The following CST2 variants were observed in gnomAD, a reference collection of about 807,000 sequenced individuals.
The protein encoded by CST2 is cystatin-SA.
Under a neutral mutation model 13.4 loss-of-function variants are expected in CST2, and 26 were observed. The observed-to-expected ratio is 1.95, with a 90% CI of 1.43 to 2.70. CST2 has a LOEUF of 2.70. CST2 is among the 30% of genes most tolerant of loss of function. The probability of loss-of-function intolerance (pLI) is 0.00; values close to 1 mark genes in which losing one functional copy is unlikely to be tolerated. For missense variants in CST2, 243 were observed against 173.4 expected (o/e 1.40, Z -2.25); for synonymous variants, 105 against 71.1 (o/e 1.48, Z -2.40).
intron 2 of CST2, among the ~76,000 whole-genome samples, chr20:23,824,696 C>T (rs143370713): frequency 1.3e-5 from 2 of 152,020 alleles, no homozygotes; most frequent in African/African-American, 2.4e-5. Context: ...ATGCAGGTAC[C>T]TGAGGCTGGG....
At position 23,826,454 on chromosome 20, in the gene CST2, C is replaced by G. The variant is rs1458786561; in HGVS notation, c.207G>C (p.Arg69=). 1.2e-6 allele frequency: 2 copies of G among 1,614,036 alleles called. No individual in the cohort carries two copies. The highest frequency in any genetic ancestry group is 1.7e-6 in the Non-Finnish European group (2 of 1,179,994). The stretch of plus-strand genomic sequence containing the variant: ...CCACCTGCTCCCTGGCTCGTAGCAC[C>G]CGCAGCAGGCGTCTGTAGTACTCAT... ...TEDEYYRRLL[R]VLRAREQIVG... is the part of the protein sequence containing the mutation. Residue 69 remains arginine, a synonymous_variant, in exon 1 of 3, where the codon CGG becomes CGC. Coordinates refer to ENST00000304725, the MANE Select transcript of CST2 (RefSeq NM_001322.3).
chr20:23,824,741 A>G (rs550683778), intron 2 of CST2, among the ~76,000 whole-genome samples: 1 of 152,206 alleles, frequency 6.6e-6, no homozygotes, highest in African/African-American at 2.4e-5. Flanking sequence ...CCCAGCACAC[A>G]GCCCCACAGC....
chr20:23,824,233 G>A (rs1244770582), intron 2 of CST2, 130 bp from the exon 3 acceptor site: 89 of 853,358 alleles, frequency 1.0e-4, no homozygotes, highest in Non-Finnish European at 1.5e-4. Context: ...CACCCCTGCT[G>A]AGTCCCAGAG....
chr20:23,826,386 C>T, intron 1 of CST2, 47 bp downstream of exon 1: 1 of 1,534,770 alleles, frequency 6.5e-7, no homozygotes, highest in Non-Finnish European at 9.0e-7. Flanking sequence ...GATCGGGCAA[C>T]AAACAAGGCT....
In CST2 at chr20:23,826,479, T is replaced by C. The variant is rs574498026; in HGVS notation, c.182A>G (p.Asp61Gly). The change falls in exon 1 of 3, where the codon GAT (aspartate) becomes GGT (glycine). Residue 61 changes from aspartate (D) to glycine (G), a missense_variant. Asp to Gly is a moderately conservative substitution (Grantham distance 94). Transcript: ENST00000304725. ...CCGCAGCAGGCGTCTGTAGTACTCATCTTCAGTGGCCTTGTTATACTCGCT... is the reference window on the plus strand; with the variant it reads ...CCGCAGCAGGCGTCTGTAGTACTCACCTTCAGTGGCCTTGTTATACTCGCT... ...VISEYNKATE[D>G]EYYRRLLRVL... The C allele has an allele frequency of 3.7e-6, 6 of 1,614,050 alleles. No individual in the cohort carries two copies. The highest frequency in any genetic ancestry group is 5.1e-6 in the Non-Finnish European group (6 of 1,180,018).
intron 2 of CST2, 111 bp downstream of exon 2, chr20:23,825,099 C>G (rs1476598034): frequency 2.0e-6 from 3 of 1,463,572 alleles, no homozygotes; most frequent in Non-Finnish European, 2.9e-6. Flanking sequence ...CATGACTCCC[C>G]ACATACCCAC....
intron 1 of CST2, 32 bp from the exon 2 acceptor site, chr20:23,825,355 A>C: frequency 6.2e-7 from 1 of 1,610,122 alleles, no homozygotes; most frequent in Non-Finnish European, 8.5e-7. Context: ...ATGCACGGAC[A>C]GCGCCCCCAT....
chr20:23,825,279 T>G lies in CST2; in HGVS notation c.273A>C (p.Arg91=), dbSNP rs763839751. ...TGGGCTGGGACTTGGTACATATGGT[T>G]CGGCCCACCTCTATGTCGAAGAAGT... ...VNYFFDIEVG[R]TICTKSQPNL... Residue 91 remains arginine, a synonymous_variant, in exon 2 of 3, where the codon CGA becomes CGC. Transcript: ENST00000304725. 19 of 1,613,916 alleles carry G rather than the reference T, an allele frequency of 1.2e-5. No individual in the cohort carries two copies. The highest frequency in any genetic ancestry group is 8.9e-5 in the East Asian group (4 of 44,870).
At position 23,825,190 on chromosome 20, in the gene CST2, G is replaced by T; in HGVS notation, c.342+20C>A. On this transcript the variant is annotated intron_variant, in intron 2 of 2. Coordinates refer to ENST00000304725, the MANE Select transcript of CST2 (RefSeq NM_001322.3). Reference sequence around the variant, plus strand: ...CCTCTGCAGTGCATGACTGGCCTGGGACCCGCATCAGGAACGTACCTTCTG... The same window carrying T: ...CCTCTGCAGTGCATGACTGGCCTGGTACCCGCATCAGGAACGTACCTTCTG... 1 of 1,614,022 alleles carries T rather than the reference G, an allele frequency of 6.2e-7. No homozygotes were observed. The highest frequency in any genetic ancestry group is 8.5e-7 in the Non-Finnish European group (1 of 1,179,912).
At chr20:23,825,898 C>T (rs929424058) in intron 1 of CST2, among the ~76,000 whole-genome samples, 1 of 152,300 alleles carries the variant, frequency 6.6e-6, no homozygotes, top group East Asian at 1.9e-4. Flanking sequence ...CCCAATAGCC[C>T]TTCTGAAGCT....
At chr20:23,825,813 C>A (rs1030155862) in intron 1 of CST2, among the ~76,000 whole-genome samples, 6 of 152,182 alleles carry the variant, frequency 3.9e-5, no homozygotes, top group Non-Finnish European at 8.8e-5. Context: ...CTTTGAATTT[C>A]CAAGAGAAGG....
intron 2 of CST2, 32 bp from the exon 3 acceptor site, chr20:23,824,135 G>C (rs1463940613): frequency 6.2e-7 from 1 of 1,608,260 alleles, no homozygotes. Flanking sequence ...GCCAATCAGT[G>C]TGAGTTACAG....
rs112577068 is a variant in CST2 at position 23,826,319 on chromosome 20, A to T, written c.228+114T>A. 2.4e-3 allele frequency: 2,058 copies of T among 860,012 alleles called. 32 individuals carry two copies. In the African/African-American group the frequency reaches 0.031, roughly 13 times the overall value. 53.3% of individuals were successfully genotyped at this position (860,012 alleles called of 1,614,324 possible). A position where few individuals can be genotyped will look rare whatever the true frequency, so the allele number is the denominator to read the frequency against. On this transcript the variant is annotated intron_variant, in intron 1 of 2. Coordinates refer to ENST00000304725, the MANE Select transcript of CST2 (RefSeq NM_001322.3). ...GCAGAGAGTCAGGGAAAGCTGAATG[A>T]ATCTGAGCATTAGATCATGAATGTA...
intron 2 of CST2, among the ~76,000 whole-genome samples, chr20:23,824,823 G>A (rs994739248): frequency 3.9e-5 from 6 of 151,982 alleles, no homozygotes; most frequent in Admixed American, 3.3e-4. Flanking sequence ...TTCCCAAGCT[G>A]AAGGCTTCCT....
At position 23,825,358 on chromosome 20, in the gene CST2, G is replaced by GC. The variant is rs767271973; in HGVS notation, c.229-36dup. ...TGAGAAAACAGGATGCACGGACAGC[G>GC]CCCCCATCAGTTCATGCACTCACAG... On this transcript the variant is annotated intron_variant, in intron 1 of 2. Transcript: ENST00000304725. 3 of 1,606,706 alleles carry GC rather than the reference G, an allele frequency of 1.9e-6. No individual in the cohort carries two copies. The South Asian group carries it at 3.3e-5, about 18-fold the overall frequency.
Position 23,826,359 on chromosome 20 carries a change from CT to C in CST2, c.228+73del. 3.4e-6 allele frequency: 4 copies of C among 1,164,504 alleles called. No individual in the cohort carries two copies. In the Admixed American group the frequency reaches 5.4e-5, roughly 16 times the overall value. 72.1% of individuals were successfully genotyped at this position (1,164,504 alleles called of 1,614,324 possible). ...TCATGAATGTATCAGTGTTGATGTG[CT>C]GCGAATGCTCTTATGGATCGGGCAA... On this transcript the variant is annotated intron_variant, in intron 1 of 2. Transcript: ENST00000304725.
At chr20:23,824,214 G>A (rs868065731) in intron 2 of CST2, 111 bp from the exon 3 acceptor site, 54 of 1,054,322 alleles carry the variant, frequency 5.1e-5, no homozygotes, top group African/African-American at 5.0e-4. Flanking sequence ...GAGACACTGG[G>A]CCCTCACCCA....
At chr20:23,825,536 A>T (rs139998641) in intron 1 of CST2, among the ~76,000 whole-genome samples, 17 of 152,202 alleles carry the variant, frequency 1.1e-4, no homozygotes, top group African/African-American at 4.1e-4. Flanking sequence ...TGTGCTGGGT[A>T]AAAGGATTCA....
At chr20:23,826,112 C>G (rs529871680) in intron 1 of CST2, among the ~76,000 whole-genome samples, 1 of 152,256 alleles carries the variant, frequency 6.6e-6, no homozygotes, top group South Asian at 2.1e-4. Flanking sequence ...ACGGGTGTGA[C>G]TTGGGGAGTG....
Sources: gnomAD v4.1 joint callset for allele counts (sites outside exome capture counted in the v4.1 genomes callset) on GRCh38, gnomAD v4.1.1 for gene constraint, MANE v1.5 for transcripts, NCBI Gene and HGNC (gene_info 2026-07-23, HGNC 2026-07-21) for gene names.